The following PRRC2B variants were observed in gnomAD, a reference collection of about 807,000 sequenced individuals.
PRRC2B encodes the protein protein PRRC2B.
Under a neutral mutation model 242.3 loss-of-function variants are expected in PRRC2B, and 68 were observed. The observed-to-expected ratio is 0.28, with a 90% CI of 0.23 to 0.34. PRRC2B has a LOEUF of 0.34. Among genes scored for constraint, PRRC2B ranks in the 10% least tolerant of loss-of-function variants. The pLI is 1.00. For missense variants in PRRC2B, 2,835 were observed against 2,954.8 expected, an observed-to-expected ratio of 0.96 and a Z score of 0.94; for synonymous variants, 1,228 against 1,173.6, an observed-to-expected ratio of 1.05 and a Z score of -0.95.
At chr9:131,456,518 C>G (rs202107676) in intron 10 of PRRC2B, among the ~76,000 whole-genome samples, 40 of 152,062 alleles carry the variant, frequency 2.6e-4, no homozygotes, top group East Asian at 1.7e-3. Flanking sequence ...GTAGTCCCAG[C>G]TACTCGGGAG....
intron 1 of PRRC2B, among the ~76,000 whole-genome samples, chr9:131,426,051 G>A (rs538391037): frequency 3.3e-5 from 5 of 151,702 alleles, no homozygotes; most frequent in African/African-American, 1.2e-4. Context: ...GAAATCATTC[G>A]ATGTTGCCAG....
chr9:131,433,729 C>T (rs1480982628), intron 3 of PRRC2B, among the ~76,000 whole-genome samples: 1 of 152,202 alleles, frequency 6.6e-6, no homozygotes, highest in Non-Finnish European at 1.5e-5. Flanking sequence ...GTAAAAGGGA[C>T]CCAGATCTCA....
chr9:131,396,066 C>T (rs1170561418), intron 1 of PRRC2B, among the ~76,000 whole-genome samples: 4 of 152,210 alleles, frequency 2.6e-5, no homozygotes, highest in Non-Finnish European at 5.9e-5. Flanking sequence ...AAGCAAGTCT[C>T]TGAGGCTCAG....
rs1944394788 is a variant in PRRC2B, at chr9:131,498,741, A to C, written c.*2867A>C. 6.6e-6 allele frequency: 1 copy of C among 152,100 alleles called. No homozygotes were observed. The highest frequency in any genetic ancestry group is 2.1e-4 in the South Asian group (1 of 4,810). The allele number at this position is 152,100 out of a possible 1,614,324, so 9.4% of individuals were successfully genotyped here. On this transcript the variant is annotated 3_prime_UTR_variant, in exon 32 of 32. Coordinates refer to ENST00000683519, the MANE Select transcript of PRRC2B (RefSeq NM_013318.4). Reference sequence around the variant, plus strand: ...GGGATTGGGGGGTCAGAACCCACTCACTTTTGCCTGTTAAAGTTGCCCTCC... The same window carrying C: ...GGGATTGGGGGGTCAGAACCCACTCCCTTTTGCCTGTTAAAGTTGCCCTCC...
chr9:131,470,649 C>T, intron 13 of PRRC2B, 139 bp from the exon 14 acceptor site: 2 of 654,886 alleles, frequency 3.1e-6, no homozygotes, highest in Non-Finnish European at 2.6e-6. Flanking sequence ...GAGCAGCTGC[C>T]CATCCCTCCC....
Position 131,482,757 on chromosome 9 carries a change from C to T in PRRC2B, c.5223C>T (p.Pro1741=), listed in dbSNP as rs762101389. The T allele has an allele frequency of 1.2e-6, 2 of 1,611,972 alleles. No homozygotes were observed. The highest frequency in any genetic ancestry group is 1.7e-6 in the Non-Finnish European group (2 of 1,178,946). ...AGAGCAAGGAGCACAGACCAGGACC[C>T]ATCGGCAACGAGCGTTCTCTGAAAA... The part of the protein sequence containing the change: ...SGQSKEHRPG[P]IGNERSLKNR... Residue 1741 remains proline, a synonymous_variant, in exon 22 of 32, where the codon CCC becomes CCT. Coordinates refer to ENST00000683519, the MANE Select transcript of PRRC2B (RefSeq NM_013318.4). This position sits in a 1 kb window ranked among gnomAD's most constrained non-coding sequence, Gnocchi z 5.2.
At chr9:131,470,116 C>T (rs955946579) in intron 13 of PRRC2B, among the ~76,000 whole-genome samples, 3 of 152,094 alleles carry the variant, frequency 2.0e-5, no homozygotes, top group South Asian at 4.1e-4. Context: ...GCCTGAAGTG[C>T]GTGGCAGGGA....
chr9:131,412,919 G>C (rs1347717394), intron 1 of PRRC2B, among the ~76,000 whole-genome samples: 1 of 150,930 alleles, frequency 6.6e-6, no homozygotes, highest in Non-Finnish European at 1.5e-5. Flanking sequence ...TCAGCCTCCC[G>C]AGTAGCTGGG....
chr9:131,376,249 G>A (rs1303687890), intron 1 of PRRC2B, among the ~76,000 whole-genome samples: 1 of 151,746 alleles, frequency 6.6e-6, no homozygotes. Context: ...AGCTAATCGG[G>A]AGGCTGAGGC....
intron 25 of PRRC2B, chr9:131,485,687 G>T: frequency 5.5e-6 from 3 of 545,254 alleles, no homozygotes; most frequent in Non-Finnish European, 1.1e-5. Flanking sequence ...AATTCCAATA[G>T]ATCCTTCTGA....
intron 9 of PRRC2B, among the ~76,000 whole-genome samples, chr9:131,451,641 T>TAACC (rs777476452): frequency 0.01 from 1,526 of 152,250 alleles, 24 homozygotes; most frequent in Non-Finnish European, 0.013. Flanking sequence ...CTCAAGTTCT[T>TAACC]TCTGGTCTGA....
chr9:131,424,424 C>T (rs965235689), intron 1 of PRRC2B, among the ~76,000 whole-genome samples: 10 of 151,970 alleles, frequency 6.6e-5, no homozygotes, highest in East Asian at 5.8e-4. Context: ...TGGTGGCTCA[C>T]GCTTGTAATC....
chr9:131,477,496 C>T (rs2131452075), intron 16 of PRRC2B, among the ~76,000 whole-genome samples: 1 of 152,320 alleles, frequency 6.6e-6, no homozygotes, highest in Middle Eastern at 3.4e-3. Context: ...CTGAACATAG[C>T]ATGTGGGAGA....
At chr9:131,464,320 G>A (rs1943330006) in intron 11 of PRRC2B, among the ~76,000 whole-genome samples, 1 of 152,136 alleles carries the variant, frequency 6.6e-6, no homozygotes, top group African/African-American at 2.4e-5. Flanking sequence ...TCTACCCAGG[G>A]GTTTATGTAT....
chr9:131,454,008 C>G (rs1462315157), intron 9 of PRRC2B, among the ~76,000 whole-genome samples: 5 of 152,104 alleles, frequency 3.3e-5, no homozygotes, highest in African/African-American at 1.2e-4. Flanking sequence ...AAAAAGAAAC[C>G]CAATACCTGT....
chr9:131,497,065 T>C lies in PRRC2B; in HGVS notation c.*1191T>C, dbSNP rs2131496369. ...TGGTGATGGAGGGAGTGGACCCGTG[T>C]GTGGTCCCCAAGTGAGGCCACTGGG... On this transcript the variant is annotated 3_prime_UTR_variant, in exon 32 of 32. Transcript: ENST00000683519. 6.6e-6 allele frequency: 1 copy of C among 152,452 alleles called. No individual in the cohort carries two copies. The highest frequency in any genetic ancestry group is 2.4e-5 in the African/African-American group (1 of 41,592). 9.4% of individuals were successfully genotyped at this position (152,452 alleles called of 1,614,324 possible).
chr9:131,410,191 T>G (rs1837470173), intron 1 of PRRC2B, among the ~76,000 whole-genome samples: 1 of 152,232 alleles, frequency 6.6e-6, no homozygotes. Flanking sequence ...CATATGGGCT[T>G]TCCAGCCAGA....
intron 11 of PRRC2B, among the ~76,000 whole-genome samples, chr9:131,463,552 A>G (rs944461162): frequency 8.6e-5 from 13 of 151,556 alleles, no homozygotes; most frequent in African/African-American, 2.9e-4. Flanking sequence ...CCAGTAAGAA[A>G]GGGTCCCAGT....
chr9:131,433,546 A>G (rs1312463541), intron 3 of PRRC2B, among the ~76,000 whole-genome samples: 2 of 152,174 alleles, frequency 1.3e-5, no homozygotes, highest in African/African-American at 4.8e-5. Context: ...CAGTGCTAAG[A>G]CAATTCAGGG....
Sources: allele counts gnomAD v4.1 joint callset (sites outside exome capture counted in the v4.1 genomes callset), GRCh38; gene constraint gnomAD v4.1.1; non-coding constraint Gnocchi (gnomAD v3.1); transcripts MANE v1.5; gene names NCBI Gene and HGNC (gene_info 2026-07-23, HGNC 2026-07-21).